Variants in RASSF6 observed in about 807,000 individuals in gnomAD.
The protein encoded by RASSF6 is ras association domain-containing protein 6.
Under a neutral mutation model 44.0 loss-of-function variants are expected in RASSF6, and 52 were observed. The observed-to-expected ratio is 1.18, with a 90% confidence interval of 0.95 to 1.49. RASSF6 has a LOEUF of 1.49. Among genes scored for constraint, RASSF6 ranks in the 40% most tolerant of loss-of-function variants. The pLI is 0.00. For missense variants in RASSF6, 464 were observed against 393.3 expected, an observed-to-expected ratio of 1.18 and a Z score of -1.52; for synonymous variants, 162 against 124.6, an observed-to-expected ratio of 1.30 and a Z score of -2.00.
rs1269889661 is a variant in RASSF6, at chr4:73,573,915, A to AG, written c.*2319dup. 1 of 152,284 alleles carries AG rather than the reference A, an allele frequency of 6.6e-6. No homozygotes were observed. The highest frequency in any genetic ancestry group is 1.5e-5 in the Non-Finnish European group (1 of 68,110). 9.4% of individuals were successfully genotyped at this position (152,284 alleles called of 1,614,324 possible). On this transcript the variant is annotated 3_prime_UTR_variant, in exon 11 of 11. Coordinates refer to ENST00000307439, the MANE Select transcript of RASSF6 (RefSeq NM_177532.5). Reference sequence around the variant, plus strand: ...GCGCTGGAGACACACTGCAAGAGGAAGGGGTCTTTCCTGATTCCTCCAGGC... The same window carrying AG: ...GCGCTGGAGACACACTGCAAGAGGAAGGGGGTCTTTCCTGATTCCTCCAGGC...
In RASSF6 at chr4:73,598,733, A is replaced by T; in HGVS notation, c.66-15T>A. 1 of 1,167,634 alleles carries T rather than the reference A, an allele frequency of 8.6e-7. No individual in the cohort carries two copies. Among genetic ancestry groups the T allele is most frequent in the East Asian group, 2.6e-5 (1 of 39,052 alleles). The allele number at this position is 1,167,634 out of a possible 1,614,324, so 72.3% of individuals were successfully genotyped here. On this transcript the variant is annotated splice_polypyrimidine_tract_variant and intron_variant, in intron 2 of 10. Coordinates refer to ENST00000307439, the MANE Select transcript of RASSF6 (RefSeq NM_177532.5). Reference sequence around the variant, plus strand: ...TAAGTTGTTCCCTAAAAATAAAAAAAAATTAATTACAATCAGTCTTAGAGT... The same window carrying T: ...TAAGTTGTTCCCTAAAAATAAAAAATAATTAATTACAATCAGTCTTAGAGT...
chr4:73,589,610 A>C (rs895011467), intron 4 of RASSF6, among the ~76,000 whole-genome samples: 1 of 152,104 alleles, frequency 6.6e-6, no homozygotes, highest in African/African-American at 2.4e-5. Context: ...CATCTACAGC[A>C]GAAAACACCA....
Position 73,583,056 on chromosome 4 carries a change from G to A in RASSF6, c.568-766C>T, listed in dbSNP as rs553316261. Among the ~76,000 whole-genome samples, 6 of 152,166 alleles carry A rather than the reference G, an allele frequency of 3.9e-5. No individual in the cohort carries two copies. The East Asian group carries it at 9.7e-4, about 24-fold the overall frequency. On this transcript the variant is annotated intron_variant, in intron 6 of 10. Transcript: ENST00000307439. ...CCACATGTTCATCCTGCGCTAAGGT[G>A]AATATGATATGTTGTACACGTGGTT...
chr4:73,591,006 G>A (rs1157715281), intron 4 of RASSF6, among the ~76,000 whole-genome samples: 1 of 152,106 alleles, frequency 6.6e-6, no homozygotes, highest in African/African-American at 2.4e-5. Context: ...TTGTCCACCT[G>A]GGCTCTTGAA....
intron 2 of RASSF6, among the ~76,000 whole-genome samples, chr4:73,609,302 A>G (rs1451785386): frequency 2.0e-5 from 3 of 152,180 alleles, no homozygotes; most frequent in African/African-American, 4.8e-5. Flanking sequence ...CATAAAAAAC[A>G]TTTATTTTTA....
At chr4:73,595,792 T>C (rs1724900061) in intron 3 of RASSF6, among the ~76,000 whole-genome samples, 1 of 152,180 alleles carries the variant, frequency 6.6e-6, no homozygotes, top group Non-Finnish European at 1.5e-5. Context: ...AGTTATTTAA[T>C]TCAGTATATT....
At chr4:73,610,737 CTCTCTA>C (rs1725952224) in intron 2 of RASSF6, among the ~76,000 whole-genome samples, 1 of 152,202 alleles carries the variant, frequency 6.6e-6, no homozygotes, top group Non-Finnish European at 1.5e-5. Flanking sequence ...ACCCTTTCCG[CTCTCTA>C]TCTCTAGCAC....
chr4:73,619,105 T>C (rs573370860), intron 1 of RASSF6, among the ~76,000 whole-genome samples: 1 of 152,178 alleles, frequency 6.6e-6, no homozygotes, highest in South Asian at 2.1e-4. Flanking sequence ...ATGGATTATA[T>C]GGTCTAAATT....
chr4:73,592,848 A>G (rs1199124245), intron 4 of RASSF6, among the ~76,000 whole-genome samples: 2 of 152,190 alleles, frequency 1.3e-5, no homozygotes, highest in Non-Finnish European at 2.9e-5. Flanking sequence ...GAAGGAATGC[A>G]GTCTCCAGGA....
rs1722923662 is a variant in RASSF6 at position 73,571,575 on chromosome 4, T to C, written c.*4660A>G. 6.6e-6 allele frequency: 1 copy of C among 151,978 alleles called. No individual in the cohort carries two copies. Among genetic ancestry groups the C allele is most frequent in the African/African-American group, 2.4e-5 (1 of 41,400 alleles). The allele number at this position is 151,978 out of a possible 1,614,324, so 9.4% of individuals were successfully genotyped here. A position where few individuals can be genotyped will look rare whatever the true frequency, so the allele number is the denominator to read the frequency against. ...TATATATATATAATGTTTAATATTTTTTCAGCTATGGGACCAGACTTGTAA... is the reference window on the plus strand; with the variant it reads ...TATATATATATAATGTTTAATATTTCTTCAGCTATGGGACCAGACTTGTAA... On this transcript the variant is annotated 3_prime_UTR_variant, in exon 11 of 11. Coordinates refer to ENST00000307439, the MANE Select transcript of RASSF6 (RefSeq NM_177532.5).
At position 73,615,094 on chromosome 4, in the gene RASSF6, A is replaced by G. The variant is rs1242292363; in HGVS notation, c.-34-3265T>C. Among the ~76,000 whole-genome samples, 3 of 147,664 alleles carry G rather than the reference A, an allele frequency of 2.0e-5. No individual in the cohort carries two copies. In the East Asian group the frequency reaches 6.4e-4, roughly 32 times the overall value. ...CCTGGGAGGCTGAGGCCCGAGAATC[A>G]CTTAAACCTGGGAGATGGAGGTTGC... On this transcript the variant is annotated intron_variant, in intron 1 of 10. Transcript: ENST00000307439.
chr4:73,588,485 G>A (rs1222569978), intron 4 of RASSF6, among the ~76,000 whole-genome samples: 1 of 151,964 alleles, frequency 6.6e-6, no homozygotes, highest in African/African-American at 2.4e-5. Flanking sequence ...ATTTCATAAA[G>A]AAACTAGCAA....
intron 8 of RASSF6, 82 bp downstream of exon 8, chr4:73,581,735 C>T (rs1247670): frequency 0.74 from 658,863 of 885,912 alleles, 246,536 homozygotes; most frequent in East Asian, 0.88. Context: ...CAGAATGAGG[C>T]AAACTGTTCT....
At chr4:73,603,212 T>G (rs1725399317) in intron 2 of RASSF6, among the ~76,000 whole-genome samples, 1 of 152,242 alleles carries the variant, frequency 6.6e-6, no homozygotes, top group Non-Finnish European at 1.5e-5. Context: ...AAACACTGTA[T>G]CACAATATGT....
intron 3 of RASSF6, among the ~76,000 whole-genome samples, chr4:73,597,904 G>T (rs1212180164): frequency 6.6e-6 from 1 of 152,124 alleles, no homozygotes. Flanking sequence ...TTATAAGTGG[G>T]AGCTAAAGGA....
intron 2 of RASSF6, among the ~76,000 whole-genome samples, chr4:73,600,142 G>A (rs1306434064): frequency 6.6e-6 from 1 of 152,018 alleles, no homozygotes; most frequent in Non-Finnish European, 1.5e-5. Flanking sequence ...TTTCTCCTCT[G>A]CCCCTGTCCC....
chr4:73,593,267 T>G (rs1181850173), intron 4 of RASSF6, among the ~76,000 whole-genome samples, 184 bp downstream of exon 4: 1 of 152,104 alleles, frequency 6.6e-6, no homozygotes, highest in Non-Finnish European at 1.5e-5. Context: ...CCACCTGCCT[T>G]GGCCTCCCGA....
intron 2 of RASSF6, among the ~76,000 whole-genome samples, chr4:73,606,746 T>G (rs1348897390): frequency 6.6e-6 from 1 of 152,136 alleles, no homozygotes; most frequent in East Asian, 1.9e-4. Flanking sequence ...ACACCCTTTG[T>G]GTATGAACAG....
intron 2 of RASSF6, among the ~76,000 whole-genome samples, chr4:73,608,419 AC>A (rs1725797199): frequency 6.6e-6 from 1 of 152,196 alleles, no homozygotes; most frequent in African/African-American, 2.4e-5. Context: ...ATATAAAAAA[AC>A]CTAATAAATG....
Sources: gnomAD v4.1 joint callset for allele counts (sites outside exome capture counted in the v4.1 genomes callset) on GRCh38, gnomAD v4.1.1 for gene constraint, MANE v1.5 for transcripts, NCBI Gene and HGNC (gene_info 2026-07-23, HGNC 2026-07-21) for gene names.